Variants in SOX5 observed in about 807,000 individuals in gnomAD.
The protein encoded by SOX5 is SRY-box transcription factor 5.
A neutral mutation model predicts 92.0 loss-of-function variants in SOX5; 9 were observed. That is an observed-to-expected ratio of 0.10 (90% CI 0.06 to 0.17). SOX5 has a LOEUF of 0.17. Ranked by LOEUF, SOX5 falls within the 10% of genes least tolerant of loss-of-function variation. SOX5 has a pLI of 1.00. For synonymous variants in SOX5, 344 were observed against 336.3 expected (o/e 1.02, Z -0.25); for missense variants, 642 against 944.5 (o/e 0.68, Z 4.20).
At chr12:24,297,666 C>A (rs1221561377) in intron 2 of SOX5, among the ~76,000 whole-genome samples, 2 of 152,194 alleles carry the variant, frequency 1.3e-5, no homozygotes, top group Non-Finnish European at 2.9e-5. Flanking sequence ...TGCTGCAGGT[C>A]AGGTCAAGAA....
chr12:24,269,953 G>A (rs1388854927), intron 3 of SOX5, among the ~76,000 whole-genome samples: 2 of 147,886 alleles, frequency 1.4e-5, no homozygotes, highest in Non-Finnish European at 3.0e-5. Context: ...CCCAAATCCT[G>A]GAATTACTGG....
At chr12:24,094,039 C>T (rs1945010908) in intron 4 of SOX5, among the ~76,000 whole-genome samples, 1 of 151,414 alleles carries the variant, frequency 6.6e-6, no homozygotes, top group Non-Finnish European at 1.5e-5. Context: ...CTCTGCCTCC[C>T]GGGTTCAAGC....
rs1041124057 is a variant in SOX5, at chr12:23,816,191, C to T, written c.481+29792G>A. Among the ~76,000 whole-genome samples the T allele has an allele frequency of 5.4e-5, 8 of 147,958 alleles. No individual in the cohort carries two copies. In the Admixed American group the frequency reaches 5.5e-4, roughly 10 times the overall value. ...AGGTCAAAATCTAATGGAGGAGAGACACTTGGACAAGATTTCTTTTTTTTT... is the reference window on the plus strand; with the variant it reads ...AGGTCAAAATCTAATGGAGGAGAGATACTTGGACAAGATTTCTTTTTTTTT... On this transcript the variant is annotated intron_variant, in intron 3 of 14. Coordinates refer to ENST00000451604, the MANE Select transcript of SOX5 (RefSeq NM_006940.6).
intron 3 of SOX5, among the ~76,000 whole-genome samples, chr12:23,837,960 GTTTATATTTATATAATATATA>G (rs1404270848): frequency 1.7e-5 from 2 of 116,646 alleles, no homozygotes; most frequent in Admixed American, 2.1e-4. Context: ...TATAGTATAT[GTTTATATTTATATAATATATA>G]TTTATATTTA....
intron 3 of SOX5, among the ~76,000 whole-genome samples, chr12:24,217,366 C>T (rs1389999501): frequency 6.6e-6 from 1 of 152,208 alleles, no homozygotes; most frequent in Non-Finnish European, 1.5e-5. Flanking sequence ...ACAGGACACC[C>T]AGCTGACGTA....
At chr12:23,953,262 C>T (rs1215217897), upstream of SOX5, among the ~76,000 whole-genome samples, 2 of 151,966 alleles carry the variant, frequency 1.3e-5, no homozygotes, top group Admixed American at 1.3e-4. Context: ...CCAATCAATA[C>T]AATGTTTAAT....
intron 3 of SOX5, among the ~76,000 whole-genome samples, chr12:23,807,900 G>A (rs183325041): frequency 2.5e-3 from 378 of 151,950 alleles, no homozygotes; most frequent in Middle Eastern, 0.01. Context: ...TGCCCGCCTC[G>A]GCCTCACAAA....
chr12:24,419,901 T>A (rs760712671), intron 1 of SOX5, among the ~76,000 whole-genome samples: 10 of 152,186 alleles, frequency 6.6e-5, no homozygotes, highest in Non-Finnish European at 1.3e-4. Flanking sequence ...CAGTAACTTG[T>A]AGCAAATTTG....
chr12:23,836,112 A>T (rs923731276), intron 3 of SOX5, among the ~76,000 whole-genome samples: 5 of 151,912 alleles, frequency 3.3e-5, no homozygotes, highest in Admixed American at 2.0e-4. Flanking sequence ...CCTTCAATAC[A>T]TAATTATATA....
intron 7 of SOX5, among the ~76,000 whole-genome samples, chr12:23,660,879 A>G (rs1036340918): frequency 2.8e-4 from 42 of 152,358 alleles, no homozygotes; most frequent in Non-Finnish European, 5.4e-4. Context: ...TATCTATGAT[A>G]GTTCACATAG....
At chr12:23,715,243 G>C (rs1185607165) in intron 6 of SOX5, among the ~76,000 whole-genome samples, 1 of 151,078 alleles carries the variant, frequency 6.6e-6, no homozygotes, top group African/African-American at 2.5e-5. Flanking sequence ...AGCTTGCAGT[G>C]AGCCGAGATA....
chr12:24,032,065 G>A (rs1348501413), intron 4 of SOX5, among the ~76,000 whole-genome samples: 3 of 151,748 alleles, frequency 2.0e-5, no homozygotes, highest in Non-Finnish European at 2.9e-5. Flanking sequence ...ATTAGAATGG[G>A]GAAGAGGAGA....
At chr12:24,175,481 C>T (rs954185014) in intron 4 of SOX5, among the ~76,000 whole-genome samples, 3 of 152,182 alleles carry the variant, frequency 2.0e-5, no homozygotes, top group Non-Finnish European at 4.4e-5. Flanking sequence ...AGTGCATGCA[C>T]GCTGGGAGCA....
chr12:24,060,311 C>CAGAGCTAGGAAGTGGT (rs1475238729), intron 4 of SOX5, among the ~76,000 whole-genome samples: 6 of 152,160 alleles, frequency 3.9e-5, no homozygotes, highest in Non-Finnish European at 7.3e-5. Context: ...CCCAAGGCCA[C>CAGAGCTAGGAAGTGGT]AGAGCTAGGA....
intron 11 of SOX5, 107 bp downstream of exon 11, chr12:23,563,151 G>C (rs1946503805): frequency 1.1e-5 from 10 of 929,114 alleles, no homozygotes; most frequent in Non-Finnish European, 1.6e-5. Flanking sequence ...AAAAGGGACA[G>C]AGAATCATTT....
intron 4 of SOX5, among the ~76,000 whole-genome samples, chr12:24,211,658 T>C (rs1391833459): frequency 6.6e-6 from 1 of 152,214 alleles, no homozygotes; most frequent in East Asian, 1.9e-4. Context: ...CCATAACCTG[T>C]GAGGTAGCAT....
intron 2 of SOX5, among the ~76,000 whole-genome samples, chr12:24,319,123 G>C (rs1949975561): frequency 6.6e-6 from 1 of 152,152 alleles, no homozygotes; most frequent in South Asian, 2.1e-4. Context: ...CCCTCTGCCT[G>C]GCTCTAGATG....
intron 3 of SOX5, among the ~76,000 whole-genome samples, chr12:24,242,534 C>T (rs1459939642): frequency 6.6e-6 from 1 of 152,164 alleles, no homozygotes; most frequent in East Asian, 1.9e-4. Context: ...CTAAATCAAC[C>T]TGATCTTTAT....
intron 6 of SOX5, among the ~76,000 whole-genome samples, chr12:23,700,383 C>G (rs1319436715): frequency 6.6e-6 from 1 of 152,120 alleles, no homozygotes; most frequent in African/African-American, 2.4e-5. Context: ...CTAGACCCAT[C>G]TTAAACTTCT....
Sources: allele counts gnomAD v4.1 joint callset (sites outside exome capture counted in the v4.1 genomes callset), GRCh38; gene constraint gnomAD v4.1.1; transcripts MANE v1.5; gene names NCBI Gene and HGNC (gene_info 2026-07-23, HGNC 2026-07-21).